Variants in SRCIN1 observed in about 807,000 individuals in gnomAD.
The protein encoded by SRCIN1 is P130Cas-associated protein.
In SRCIN1, 50 loss-of-function variants were observed where a neutral mutation model predicts 116.2. The observed-to-expected ratio is 0.43, with a 90% confidence interval of 0.34 to 0.54. The LOEUF is 0.54. Among genes scored for constraint, SRCIN1 ranks in the 20% least tolerant of loss-of-function variants. The probability of loss-of-function intolerance (pLI) is 0.02; values close to 1 mark genes in which losing one functional copy is unlikely to be tolerated. For synonymous variants in SRCIN1, 736 were observed against 750.0 expected (o/e 0.98, Z 0.30); for missense variants, 1,446 against 1,672.0 (o/e 0.86, Z 2.36).
Position 38,533,333 on chromosome 17 carries a change from A to G in SRCIN1, c.3516T>C (p.Thr1172=). 1.3e-6 allele frequency: 2 copies of G among 1,594,706 alleles called. No individual in the cohort carries two copies. The highest frequency in any genetic ancestry group is 1.7e-6 in the Non-Finnish European group (2 of 1,170,438). ...SASRTSIPVL[T]SFGARNSSIS... is the part of the protein sequence containing the mutation. Reference sequence around the variant, plus strand: ...TGGAAGAATTCCTTGCCCCAAAGGAAGTCAATACAGGGATAGAGGTTCTGG... The same window carrying G: ...TGGAAGAATTCCTTGCCCCAAAGGAGGTCAATACAGGGATAGAGGTTCTGG... Residue 1172 remains threonine, a synonymous_variant, in exon 19 of 19, where the codon ACT becomes ACC. Transcript: ENST00000617146.
intron 1 of SRCIN1, among the ~76,000 whole-genome samples, chr17:38,605,360 A>G (rs1282988326): frequency 9.0e-6 from 1 of 110,734 alleles, no homozygotes; most frequent in Non-Finnish European, 1.8e-5. Context: ...CCCCTTCCAC[A>G]CAAGCCCCTT....
chr17:38,575,611 C>G (rs1034171970), intron 2 of SRCIN1, among the ~76,000 whole-genome samples: 4 of 152,178 alleles, frequency 2.6e-5, no homozygotes, highest in Admixed American at 6.5e-5. Flanking sequence ...TACCATCTCC[C>G]CTTCCCCAGC....
intron 1 of SRCIN1, among the ~76,000 whole-genome samples, chr17:38,586,574 G>A (rs1215059327): frequency 6.6e-6 from 1 of 152,188 alleles, no homozygotes; most frequent in Non-Finnish European, 1.5e-5. Context: ...GACTAGGACT[G>A]TGGCCTATGA....
Position 38,581,405 on chromosome 17 carries a change from CA to C in SRCIN1, c.23-2615del, listed in dbSNP as rs1313727690. On this transcript the variant is annotated intron_variant, in intron 1 of 18. Coordinates refer to ENST00000617146, the MANE Select transcript of SRCIN1 (RefSeq NM_025248.3). ...TGGGAGACAGTGTGAAACTCTGTCT[CA>C]AAAAAAAAAAAAGAAAAAAGAAAAA... Among the ~76,000 whole-genome samples, 117 of 56,122 alleles carry C rather than the reference CA, an allele frequency of 2.1e-3. 1 individual carries two copies. Among genetic ancestry groups the C allele is most frequent in the South Asian group, 3.9e-3 (6 of 1,526 alleles). 36.8% of individuals were successfully genotyped at this position (56,122 alleles called of 152,430 possible).
intron 1 of SRCIN1, among the ~76,000 whole-genome samples, chr17:38,580,309 C>G (rs1219516554): frequency 6.6e-6 from 1 of 152,200 alleles, no homozygotes; most frequent in African/African-American, 2.4e-5. Context: ...CACACATACA[C>G]ACCCCTCCCT....
intron 1 of SRCIN1, among the ~76,000 whole-genome samples, chr17:38,594,242 G>A (rs1317500604): frequency 2.6e-5 from 4 of 152,190 alleles, no homozygotes; most frequent in Admixed American, 6.6e-5. Context: ...GGCTTCTCCC[G>A]GCAGCAGCCA....
Position 38,561,548 on chromosome 17 carries a change from G to C in SRCIN1, c.1615C>G (p.Pro539Ala), listed in dbSNP as rs1906241233. 6.2e-7 allele frequency: 1 copy of C among 1,601,272 alleles called. No individual in the cohort carries two copies. Among genetic ancestry groups the C allele is most frequent in the East Asian group, 2.3e-5 (1 of 43,748 alleles). Residue 539 changes from proline (P) to alanine (A), a missense_variant, in exon 7 of 19, where the codon CCC becomes GCC. Physicochemically the swap from Pro to Ala is conservative, Grantham distance 27. Transcript: ENST00000617146. ...SAGSASTAGA[P>A]PSELFPGPGE... ...GGCCCAGGGAAGAGCTCCGAAGGGG[G>C]AGCTCCGGCCGTCGAGGCGCTCCCC... is the stretch of plus-strand genomic sequence containing the variant.
chr17:38,575,048 G>A (rs1170016331), intron 2 of SRCIN1: 1 of 399,542 alleles, frequency 2.5e-6, no homozygotes, highest in South Asian at 1.3e-4. Context: ...GATTGGGAGG[G>A]AAGGGCATTC....
chr17:38,596,499 T>C (rs1567885791), intron 1 of SRCIN1, among the ~76,000 whole-genome samples: 1 of 152,084 alleles, frequency 6.6e-6, no homozygotes, highest in Non-Finnish European at 1.5e-5. Flanking sequence ...CCATGCCTGG[T>C]TCTCCACCCA....
chr17:38,604,003 C>A lies in SRCIN1; in HGVS notation c.22+1681G>T, dbSNP rs1279705896. ...CATACAACCACACCAGAAACCACCA[C>A]CATCACAGCTGCCACCAGTGGCGAC... On this transcript the variant is annotated intron_variant, in intron 1 of 18. Transcript: ENST00000617146. This position sits in a 1 kb window ranked among gnomAD's most constrained non-coding sequence, Gnocchi z 4.3. 6.6e-6 allele frequency among the ~76,000 whole-genome samples: 1 copy of A among 152,170 alleles called. No individual in the cohort carries two copies. Among genetic ancestry groups the A allele is most frequent in the African/African-American group, 2.4e-5 (1 of 41,424 alleles).
intron 10 of SRCIN1, chr17:38,559,351 T>G: frequency 3.6e-6 from 2 of 548,576 alleles, no homozygotes; most frequent in Non-Finnish European, 6.4e-6. Context: ...AATGAGGGGG[T>G]CACGGGCGAG....
At position 38,538,586 on chromosome 17, in the gene SRCIN1, T is replaced by C. The variant is rs574338453; in HGVS notation, c.3418-5155A>G. Among the ~76,000 whole-genome samples, 6 of 152,264 alleles carry C rather than the reference T, an allele frequency of 3.9e-5. No homozygotes were observed. In the East Asian group the frequency reaches 1.2e-3, roughly 29 times the overall value. On this transcript the variant is annotated intron_variant, in intron 18 of 18. Coordinates refer to ENST00000617146, the MANE Select transcript of SRCIN1 (RefSeq NM_025248.3). ...ACAGGATACCTTTCCTTATTGTTTA[T>C]CCATTTTGAATCAGGGTTCCTGTTC...
intron 18 of SRCIN1, among the ~76,000 whole-genome samples, chr17:38,539,887 G>A (rs1904619246): frequency 6.6e-6 from 1 of 151,872 alleles, no homozygotes; most frequent in African/African-American, 2.4e-5. Flanking sequence ...CGGGCGTGTT[G>A]ACACACACCT....
chr17:38,595,589 C>T (rs1908682670), intron 1 of SRCIN1, among the ~76,000 whole-genome samples: 1 of 152,202 alleles, frequency 6.6e-6, no homozygotes, highest in Non-Finnish European at 1.5e-5. Context: ...AACGAGATCA[C>T]AAGTTTGCAT....
intron 1 of SRCIN1, among the ~76,000 whole-genome samples, chr17:38,603,540 T>C (rs556706057): frequency 6.6e-6 from 1 of 152,152 alleles, no homozygotes; most frequent in East Asian, 1.9e-4. Flanking sequence ...GAAGGGGGAT[T>C]TGTGCCTCCA....
chr17:38,581,405 C>CAAAAAAA (rs1313727690), intron 1 of SRCIN1, among the ~76,000 whole-genome samples: 1 of 56,066 alleles, frequency 1.8e-5, no homozygotes, highest in African/African-American at 5.3e-5. Context: ...AACTCTGTCT[C>CAAAAAAA]AAAAAAAAAA....
rs1187179789 is a variant in SRCIN1, at chr17:38,562,285, C to A, written c.878G>T (p.Arg293Leu). The A allele has an allele frequency of 2.7e-6, 4 of 1,477,466 alleles. No individual in the cohort carries two copies. Among genetic ancestry groups the A allele is most frequent in the Admixed American group, 2.5e-5 (1 of 40,368 alleles). 91.5% of individuals were successfully genotyped at this position (1,477,466 alleles called of 1,614,324 possible). Residue 293 changes from arginine to leucine, a missense_variant, in exon 7 of 19, where the codon CGC becomes CTC. Physicochemically the swap from Arg to Leu is moderately radical, Grantham distance 102. Coordinates refer to ENST00000617146, the MANE Select transcript of SRCIN1 (RefSeq NM_025248.3). The surrounding 1 kb of genome is among the most constrained non-coding windows in gnomAD (Gnocchi z 4.2). ...YASRESSPTR[R>L]LNNLSPAPHL... ...CGGCGCTGGTGACAGGTTGTTGAGG[C>A]GCCGCGTGGGCGAGGACTCCCGCGA...
rs151102706 is a variant in SRCIN1, at chr17:38,569,771, G to A, written c.325-1540C>T. On this transcript the variant is annotated intron_variant, in intron 2 of 18. Transcript: ENST00000617146. ...ATGCTTGGAATCATCTATGGACTGA[G>A]GCCACCCCCAGTGGTGCTAGGGGAT... Among the ~76,000 whole-genome samples the A allele has an allele frequency of 3.8e-3, 573 of 152,298 alleles. 3 individuals carry two copies. Among genetic ancestry groups the A allele is most frequent in the African/African-American group, 0.013 (557 of 41,564 alleles).
rs370292461 is a variant in SRCIN1 at position 38,533,282 on chromosome 17, C to G, written c.*15G>C. On this transcript the variant is annotated 3_prime_UTR_variant, in exon 19 of 19. Coordinates refer to ENST00000617146, the MANE Select transcript of SRCIN1 (RefSeq NM_025248.3). ...TGAGGGAGGGGGACAGGCGGGGCAG[C>G]GGGGTGAGGGGCTTCTAGAAGGAGA... The G allele has an allele frequency of 1.4e-5, 18 of 1,331,162 alleles. No individual in the cohort carries two copies. In the South Asian group the frequency reaches 1.7e-4, roughly 12 times the overall value. 82.5% of individuals were successfully genotyped at this position (1,331,162 alleles called of 1,614,324 possible).
Sources: allele counts gnomAD v4.1 joint callset (sites outside exome capture counted in the v4.1 genomes callset), GRCh38; gene constraint gnomAD v4.1.1; non-coding constraint Gnocchi (gnomAD v3.1); transcripts MANE v1.5; gene names NCBI Gene and HGNC (gene_info 2026-07-23, HGNC 2026-07-21).